The following AAK1 variants were observed in gnomAD, a reference collection of about 807,000 sequenced individuals.
AAK1 encodes AP2 associated kinase 1, also known as AP2-associated protein kinase 1.
Under a neutral mutation model 116.0 loss-of-function variants are expected in AAK1, and 37 were observed. That is an observed-to-expected ratio of 0.32 (90% confidence interval 0.25 to 0.42). The LOEUF is 0.42. Among genes scored for constraint, AAK1 ranks in the 10% least tolerant of loss-of-function variants. The probability of loss-of-function intolerance (pLI) is 1.00; values close to 1 mark genes in which losing one functional copy is unlikely to be tolerated. For synonymous variants in AAK1, 458 were observed against 439.9 expected, an observed-to-expected ratio of 1.04 and a Z score of -0.51; for missense variants, 919 against 1,170.6, an observed-to-expected ratio of 0.79 and a Z score of 3.14.
At chr2:69,530,739 T>C in intron 6 of AAK1, 33 bp from the exon 7 acceptor site, 1 of 1,501,282 alleles carries the variant, frequency 6.7e-7, no homozygotes, top group Non-Finnish European at 9.3e-7. Context: ...TTATTAAATA[T>C]GTCAATACTA....
At chr2:69,580,558 G>GAA (rs1393377242) in intron 2 of AAK1, among the ~76,000 whole-genome samples, 1 of 152,132 alleles carries the variant, frequency 6.6e-6, no homozygotes, top group Non-Finnish European at 1.5e-5. Flanking sequence ...GAGAGAGAGA[G>GAA]AAACACTCCT....
In AAK1 at chr2:69,460,845, C is replaced by T. The variant is rs1674321368; in HGVS notation, c.*15024G>A. ...ATATGACATCTTTCATTCAGTACTG[C>T]CTGTTAGTCAATTACTGTGGATTCT... On this transcript the variant is annotated 3_prime_UTR_variant, in exon 22 of 22. Coordinates refer to ENST00000409085, the MANE Select transcript of AAK1 (RefSeq NM_014911.5). 1 of 152,142 alleles carries T rather than the reference C, an allele frequency of 6.6e-6. No homozygotes were observed. The highest frequency in any genetic ancestry group is 2.1e-4 in the South Asian group (1 of 4,826). 9.4% of individuals were successfully genotyped at this position (152,142 alleles called of 1,614,324 possible).
chr2:69,587,816 T>C (rs1371834443), intron 2 of AAK1, among the ~76,000 whole-genome samples: 1 of 152,068 alleles, frequency 6.6e-6, no homozygotes, highest in Non-Finnish European at 1.5e-5. Flanking sequence ...TTTACTATGT[T>C]GCTCAGGCTG....
intron 2 of AAK1, among the ~76,000 whole-genome samples, chr2:69,618,286 C>T (rs1369307886): frequency 6.6e-6 from 1 of 151,718 alleles, no homozygotes; most frequent in Admixed American, 6.6e-5. Context: ...AAGTAAAATA[C>T]ATGCAAAATA....
intron 2 of AAK1, among the ~76,000 whole-genome samples, chr2:69,603,778 G>T (rs965455246): frequency 9.2e-5 from 14 of 152,028 alleles, no homozygotes; most frequent in African/African-American, 3.1e-4. Flanking sequence ...TGCTTTGCAG[G>T]CTACACAGCG....
intron 2 of AAK1, among the ~76,000 whole-genome samples, chr2:69,604,839 T>C (rs1673730129): frequency 6.6e-6 from 1 of 152,082 alleles, no homozygotes; most frequent in Admixed American, 6.5e-5. Context: ...ACACTAAACA[T>C]ACCCTAGCCA....
chr2:69,474,285 T>C lies in AAK1; in HGVS notation c.*1584A>G, dbSNP rs1032467002. On this transcript the variant is annotated 3_prime_UTR_variant, in exon 22 of 22. Transcript: ENST00000409085. ...GGAATTTTATTTGTACAGATCTGAT[T>C]AACTAAGAGTTTCCCTTTTGATGAT... 9.1e-6 allele frequency: 9 copies of C among 985,730 alleles called. No individual in the cohort carries two copies. The South Asian group carries it at 3.3e-4, about 36-fold the overall frequency. The allele number at this position is 985,730 out of a possible 1,614,324, so 61.1% of individuals were successfully genotyped here.
chr2:69,461,539 G>A lies in AAK1; in HGVS notation c.*14330C>T, dbSNP rs1032457424. 15 of 256,610 alleles carry A rather than the reference G, an allele frequency of 5.8e-5. No individual in the cohort carries two copies. Among genetic ancestry groups the A allele is most frequent in the African/African-American group, 2.4e-4 (10 of 40,930 alleles). The allele number at this position is 256,610 out of a possible 1,614,324, so 15.9% of individuals were successfully genotyped here. ...AAGTAATTTGCATGTGTTTGCATCC[G>A]TTTCTGTATTCAAAGAAGGTATGTA... On this transcript the variant is annotated 3_prime_UTR_variant, in exon 22 of 22. Transcript: ENST00000409085.
Position 69,470,575 on chromosome 2 carries a change from T to A in AAK1, c.*5294A>T, listed in dbSNP as rs769035902. 1.2e-4 allele frequency: 118 copies of A among 985,324 alleles called. No individual in the cohort carries two copies. The highest frequency in any genetic ancestry group is 2.3e-4 in the East Asian group (2 of 8,824). The allele number at this position is 985,324 out of a possible 1,614,324, so 61.0% of individuals were successfully genotyped here. Reference sequence around the variant, plus strand: ...AGTTTTCTCACTGGGGATAAAATTATTCTTGCCAACACAAAATGTTTAATT... The same window carrying A: ...AGTTTTCTCACTGGGGATAAAATTAATCTTGCCAACACAAAATGTTTAATT... On this transcript the variant is annotated 3_prime_UTR_variant, in exon 22 of 22. Transcript: ENST00000409085.
intron 1 of AAK1, 68 bp downstream of exon 1, chr2:69,643,507 G>A (rs983227482): frequency 3.3e-6 from 4 of 1,222,482 alleles, no homozygotes; most frequent in East Asian, 3.2e-5. Flanking sequence ...CGACCCTCCC[G>A]GGCACTGCCT....
In AAK1 at chr2:69,596,895, A is replaced by G. The variant is rs554043253; in HGVS notation, c.164-39917T>C. ...CTCTCTGCCTTCTAACGCCCCCAGG[A>G]GTGGCTGGGGGTTTTTGCCATGGTG... is the stretch of plus-strand genomic sequence containing the variant. On this transcript the variant is annotated intron_variant, in intron 2 of 21. Transcript: ENST00000409085. 7.9e-5 allele frequency among the ~76,000 whole-genome samples: 12 copies of G among 152,016 alleles called. No individual in the cohort carries two copies. In the South Asian group the frequency reaches 1.9e-3, roughly 24 times the overall value.
rs1044356476 is a variant in AAK1, at chr2:69,464,314, G to C, written c.*11555C>G. 2.0e-5 allele frequency: 3 copies of C among 152,216 alleles called. No individual in the cohort carries two copies. The highest frequency in any genetic ancestry group is 6.5e-5 in the Admixed American group (1 of 15,282). The allele number at this position is 152,216 out of a possible 1,614,324, so 9.4% of individuals were successfully genotyped here. A position where few individuals can be genotyped will look rare whatever the true frequency, so the allele number is the denominator to read the frequency against. ...TGCTGGCATTTAGCCCACATACTGAGAGGCCGGAACTGTAACAAGGTGCTC... is the reference window on the plus strand; with the variant it reads ...TGCTGGCATTTAGCCCACATACTGACAGGCCGGAACTGTAACAAGGTGCTC... On this transcript the variant is annotated 3_prime_UTR_variant, in exon 22 of 22. Coordinates refer to ENST00000409085, the MANE Select transcript of AAK1 (RefSeq NM_014911.5).
chr2:69,634,323 A>G (rs1226069626), intron 2 of AAK1, among the ~76,000 whole-genome samples: 2 of 152,256 alleles, frequency 1.3e-5, no homozygotes, highest in Admixed American at 1.3e-4. Context: ...TGAAGAAGTC[A>G]TTCAACCAAT....
At position 69,525,021 on chromosome 2, in the gene AAK1, G is replaced by T. The variant is rs1285582311; in HGVS notation, c.1055+12C>A. 1 of 1,612,778 alleles carries T rather than the reference G, an allele frequency of 6.2e-7. No individual in the cohort carries two copies. The highest frequency in any genetic ancestry group is 1.7e-5 in the Admixed American group (1 of 60,024). ...TCCAAGGAGGACATGTGTTCATGAAGGCATTTCTTACCTGGCCTTTGGCTG... is the reference window on the plus strand; with the variant it reads ...TCCAAGGAGGACATGTGTTCATGAATGCATTTCTTACCTGGCCTTTGGCTG... On this transcript the variant is annotated intron_variant, in intron 10 of 21. Coordinates refer to ENST00000409085, the MANE Select transcript of AAK1 (RefSeq NM_014911.5).
In AAK1 at chr2:69,461,728, A is replaced by G. The variant is rs1361032369; in HGVS notation, c.*14141T>C. 2.7e-6 allele frequency: 1 copy of G among 372,242 alleles called. No individual in the cohort carries two copies. The highest frequency in any genetic ancestry group is 1.9e-5 in the South Asian group (1 of 52,860). 23.1% of individuals were successfully genotyped at this position (372,242 alleles called of 1,614,324 possible). ...TGCCTCAGCCTCCCTAGTAACTGGG[A>G]CTACAGGTGCGTGCCATCACGCCCA... On this transcript the variant is annotated 3_prime_UTR_variant, in exon 22 of 22. Coordinates refer to ENST00000409085, the MANE Select transcript of AAK1 (RefSeq NM_014911.5).
At chr2:69,609,148 G>T (rs748153527) in intron 2 of AAK1, among the ~76,000 whole-genome samples, 45 of 152,154 alleles carry the variant, frequency 3.0e-4, no homozygotes, top group Non-Finnish European at 5.9e-4. Context: ...GATCACTTGA[G>T]GTCAGGAGTT....
At chr2:69,626,508 A>ATTT (rs527390302) in intron 2 of AAK1, among the ~76,000 whole-genome samples, 1 of 149,324 alleles carries the variant, frequency 6.7e-6, no homozygotes, top group African/African-American at 2.5e-5. Flanking sequence ...TATTATTATT[A>ATTT]TTTTTTTTTG....
At chr2:69,553,590 C>T (rs568596442) in intron 3 of AAK1, among the ~76,000 whole-genome samples, 1 of 151,504 alleles carries the variant, frequency 6.6e-6, no homozygotes, top group Non-Finnish European at 1.5e-5. Flanking sequence ...ATTACAGGCA[C>T]GCACTGCCAT....
chr2:69,571,823 C>T (rs1672104087), intron 2 of AAK1, among the ~76,000 whole-genome samples: 1 of 152,162 alleles, frequency 6.6e-6, no homozygotes, highest in Non-Finnish European at 1.5e-5. Flanking sequence ...TGCACTGTTA[C>T]CTTTCTTGAG....
Sources: gnomAD v4.1 joint callset for allele counts (sites outside exome capture counted in the v4.1 genomes callset) on GRCh38, gnomAD v4.1.1 for gene constraint, MANE v1.5 for transcripts, NCBI Gene and HGNC (gene_info 2026-07-23, HGNC 2026-07-21) for gene names.